Variants in TAF1B observed in about 807,000 individuals in gnomAD.
TAF1B encodes TATA-box binding protein associated factor, RNA polymerase I subunit B, also known as TATA box-binding protein-associated factor RNA polymerase I subunit B.
In TAF1B, 61 loss-of-function variants were observed where a neutral mutation model predicts 83.9. The observed-to-expected ratio is 0.73, with a 90% CI of 0.59 to 0.90. The LOEUF (loss-of-function observed/expected upper bound fraction) is 0.90. Ranked by LOEUF, TAF1B falls within the 40% of genes least tolerant of loss-of-function variation. TAF1B has a pLI of 0.00. For missense variants in TAF1B, 625 were observed against 677.0 expected (o/e 0.92, Z 0.85); for synonymous variants, 221 against 224.6 (o/e 0.98, Z 0.14).
chr2:9,858,724 G>A (rs1663647631), intron 5 of TAF1B, among the ~76,000 whole-genome samples: 1 of 152,226 alleles, frequency 6.6e-6, no homozygotes, highest in South Asian at 2.1e-4. Context: ...GCCAAAGCTT[G>A]GGGCTTGCAC....
chr2:9,868,049 G>T (rs1217626414), intron 5 of TAF1B, among the ~76,000 whole-genome samples: 2 of 152,182 alleles, frequency 1.3e-5, no homozygotes, highest in African/African-American at 4.8e-5. Flanking sequence ...CTGATGGCAG[G>T]GCTGGCAGCC....
At chr2:9,858,014 C>T (rs1663621159) in intron 5 of TAF1B, among the ~76,000 whole-genome samples, 1 of 152,210 alleles carries the variant, frequency 6.6e-6, no homozygotes, top group Admixed American at 6.5e-5. Context: ...GCCTTCCCAA[C>T]AGTCTACCAA....
At chr2:9,911,449 A>G (rs1307561720) in intron 10 of TAF1B, 62 bp from the exon 11 acceptor site, 8 of 1,310,856 alleles carry the variant, frequency 6.1e-6, no homozygotes, top group Non-Finnish European at 1.1e-6. Flanking sequence ...AGAAGAATTC[A>G]GAATTTATCT....
At chr2:9,873,075 C>A (rs1163613269) in intron 6 of TAF1B, among the ~76,000 whole-genome samples, 1 of 152,168 alleles carries the variant, frequency 6.6e-6, no homozygotes, top group Admixed American at 6.5e-5. Context: ...TGACCCGAAA[C>A]CTTTGCATGG....
chr2:9,893,659 A>C (rs1167460982), intron 8 of TAF1B, among the ~76,000 whole-genome samples: 2 of 152,194 alleles, frequency 1.3e-5, no homozygotes, highest in African/African-American at 4.8e-5. Context: ...ACTGCACTCC[A>C]GCCTGGACGA....
intron 10 of TAF1B, 145 bp downstream of exon 10, chr2:9,911,058 C>CA: frequency 1.5e-6 from 1 of 663,100 alleles, no homozygotes; most frequent in Non-Finnish European, 2.4e-6. Context: ...TATGTTATCT[C>CA]AAAAAATGGA....
chr2:9,921,406 G>A (rs983609521), intron 14 of TAF1B, among the ~76,000 whole-genome samples: 3 of 152,116 alleles, frequency 2.0e-5, no homozygotes, highest in East Asian at 1.9e-4. Flanking sequence ...ATTTTCATAT[G>A]ACTCAGAAAA....
chr2:9,923,677 C>T (rs1000321998), intron 14 of TAF1B, among the ~76,000 whole-genome samples: 7 of 103,878 alleles, frequency 6.7e-5, no homozygotes, highest in Admixed American at 5.6e-4. Context: ...GAAACTCTGT[C>T]TCAAAAAAAA....
At chr2:9,912,810 T>TA (rs1362405043) in intron 11 of TAF1B, among the ~76,000 whole-genome samples, 3 of 152,246 alleles carry the variant, frequency 2.0e-5, no homozygotes, top group Non-Finnish European at 4.4e-5. Context: ...CCTCTGTTCT[T>TA]ACAGTTCTTT....
In TAF1B at chr2:9,912,773, G is replaced by A. The variant is rs576192881; in HGVS notation, c.1181-386G>A. The stretch of plus-strand genomic sequence containing the variant: ...GTGATTTACTCCAGGTCCAAGAACC[G>A]TGAGTTCTATTGATTACTATAGTTT... On this transcript the variant is annotated intron_variant, in intron 11 of 14. Coordinates refer to ENST00000263663, the MANE Select transcript of TAF1B (RefSeq NM_005680.3). Among the ~76,000 whole-genome samples, 124 of 152,310 alleles carry A rather than the reference G, an allele frequency of 8.1e-4. 2 individuals carry two copies. Among genetic ancestry groups the A allele is most frequent in the African/African-American group, 2.8e-3 (115 of 41,572 alleles).
At chr2:9,925,393 T>C (rs1295704689) in intron 14 of TAF1B, among the ~76,000 whole-genome samples, 3 of 151,796 alleles carry the variant, frequency 2.0e-5, no homozygotes, top group African/African-American at 7.3e-5. Context: ...TGAGCCAAGA[T>C]TGTGCCACTG....
chr2:9,899,423 T>C (rs149388697), intron 8 of TAF1B, among the ~76,000 whole-genome samples: 199 of 152,218 alleles, frequency 1.3e-3, no homozygotes, highest in Non-Finnish European at 2.3e-3. Context: ...CTTGCTAATA[T>C]CCAGCTTTGT....
chr2:9,854,235 T>G (rs1663487294), intron 4 of TAF1B, 91 bp from the exon 5 acceptor site: 1 of 858,416 alleles, frequency 1.2e-6, no homozygotes. Context: ...TAAGTTAATA[T>G]TTAAAGTACA....
intron 8 of TAF1B, among the ~76,000 whole-genome samples, chr2:9,883,312 G>C (rs937406341): frequency 6.6e-6 from 1 of 152,054 alleles, no homozygotes; most frequent in African/African-American, 2.4e-5. Flanking sequence ...CACTATTGGT[G>C]GTACTCAAAG....
At chr2:9,843,785 AGGGAGGGT>A in intron 1 of TAF1B, 1 of 492,138 alleles carries the variant, frequency 2.0e-6, no homozygotes, top group South Asian at 2.7e-5. Flanking sequence ...GTTGTGGGGG[AGGGAGGGT>A]GTGGTGTTTG....
Position 9,910,749 on chromosome 2 carries a change from C to G in TAF1B, c.969C>G (p.Ser323Arg). 6.2e-7 allele frequency: 1 copy of G among 1,610,660 alleles called. No individual in the cohort carries two copies. Residue 323 changes from serine to arginine, a missense_variant, in exon 10 of 15, where the codon AGC (serine) becomes AGG (arginine). Transcript: ENST00000263663. ...MEVNLPDEMH[S>R]LTCHVVKMTG... is the part of the protein sequence containing the mutation. Reference sequence around the variant, plus strand: ...TTTGTTCTTCAGATGAAATGCATAGCTTAACTTGCCACGTGGTAAAAATGA... The same window carrying G: ...TTTGTTCTTCAGATGAAATGCATAGGTTAACTTGCCACGTGGTAAAAATGA...
At position 9,875,953 on chromosome 2, in the gene TAF1B, A is replaced by T. The variant is rs748072941; in HGVS notation, c.642A>T (p.Thr214=). ...TCGTGAAGATGACCATGCCACAGACACTTGCCTTCTGTTATCTGTCCTTAC... is the reference window on the plus strand; with the variant it reads ...TCGTGAAGATGACCATGCCACAGACTCTTGCCTTCTGTTATCTGTCCTTAC... The part of the protein sequence containing the change: ...KGIVKMTMPQ[T]LAFCYLSLLW... Residue 214 remains threonine, a synonymous_variant, in exon 7 of 15, where the codon ACA becomes ACT. Coordinates refer to ENST00000263663, the MANE Select transcript of TAF1B (RefSeq NM_005680.3). 59 of 1,613,670 alleles carry T rather than the reference A, an allele frequency of 3.7e-5. No individual in the cohort carries two copies. In the Middle Eastern group the frequency reaches 1.5e-3, roughly 40 times the overall value.
At position 9,933,879 on chromosome 2, in the gene TAF1B, T is replaced by C; in HGVS notation, c.1662T>C (p.Thr554=). The C allele has an allele frequency of 6.2e-7, 1 of 1,613,654 alleles. No homozygotes were observed. Among genetic ancestry groups the C allele is most frequent in the South Asian group, 1.1e-5 (1 of 91,056 alleles). ...TCTCCTTCCTGCTCAGAATAAAGACTTCCCTTCTCCATGAAGAAGTGAGCT... is the reference window on the plus strand; with the variant it reads ...TCTCCTTCCTGCTCAGAATAAAGACCTCCCTTCTCCATGAAGAAGTGAGCT... The part of the protein sequence containing the change: ...NLFSFLLRIK[T]SLLHEEVSLV... The change falls in exon 15 of 15, where the codon ACT becomes ACC. Residue 554 remains threonine (T), a synonymous_variant. Transcript: ENST00000263663.
intron 14 of TAF1B, among the ~76,000 whole-genome samples, chr2:9,920,797 C>T (rs1200501955): frequency 6.6e-6 from 1 of 152,138 alleles, no homozygotes; most frequent in Non-Finnish European, 1.5e-5. Context: ...CGAGTGTGGG[C>T]ATGTGAAGTC....
Sources: allele counts gnomAD v4.1 joint callset (sites outside exome capture counted in the v4.1 genomes callset), GRCh38; gene constraint gnomAD v4.1.1; transcripts MANE v1.5; gene names NCBI Gene and HGNC (gene_info 2026-07-23, HGNC 2026-07-21).